Variants in BTAF1 observed in about 807,000 individuals in gnomAD.
The protein encoded by BTAF1 is B-TFIID TATA-box binding protein associated factor 1.
BTAF1 carries 38 observed loss-of-function variants against 227.1 expected under a neutral mutation model. The observed-to-expected ratio is 0.17, with a 90% CI of 0.13 to 0.22. The LOEUF is 0.22. Among genes scored for constraint, BTAF1 ranks in the 10% least tolerant of loss-of-function variants. The pLI is 1.00. For missense variants in BTAF1, 1,598 were observed against 2,204.0 expected (o/e 0.73, Z 5.51); for synonymous variants, 742 against 751.9 (o/e 0.99, Z 0.21).
rs942220717 is a variant in BTAF1, at chr10:91,989,493, C to T, written c.2767C>T (p.Leu923Phe). ...TCCCAATTCAAAAATTATTAAAAAC[C>T]TCTGTAGCTCACTTTGTGTGGACCC... ...PCPNSKIIKN[L>F]CSSLCVDPYL... is the part of the protein sequence containing the mutation. The change falls in exon 20 of 38, where the codon CTC becomes TTC. Residue 923 changes from leucine to phenylalanine, a missense_variant. Around this residue, in one of 10 missense-constraint regions of BTAF1, gnomAD observed 425 missense variants for 491.2 expected, o/e 0.87. Coordinates refer to ENST00000265990, the MANE Select transcript of BTAF1 (RefSeq NM_003972.3). 7 of 1,613,758 alleles carry T rather than the reference C, an allele frequency of 4.3e-6. No individual in the cohort carries two copies. In the African/African-American group the frequency reaches 8.0e-5, roughly 18 times the overall value.
intron 19 of BTAF1, among the ~76,000 whole-genome samples, chr10:91,986,132 G>T (rs1312877889): frequency 6.6e-6 from 1 of 151,936 alleles, no homozygotes; most frequent in Admixed American, 6.6e-5. Context: ...TAATGTTTGT[G>T]TATAGTATGA....
intron 11 of BTAF1, 36 bp downstream of exon 11, chr10:91,960,190 G>A (rs1846401462): frequency 6.3e-7 from 1 of 1,592,082 alleles, no homozygotes; most frequent in Non-Finnish European, 8.6e-7. Flanking sequence ...ATGTGGGAGA[G>A]TTTTTTCCCC....
chr10:92,001,817 A>G (rs1182901502), intron 25 of BTAF1, among the ~76,000 whole-genome samples: 1 of 152,120 alleles, frequency 6.6e-6, no homozygotes, highest in East Asian at 1.9e-4. Flanking sequence ...TAAGGACATT[A>G]AAATATACTC....
chr10:91,949,678 G>A (rs181360883), intron 4 of BTAF1, among the ~76,000 whole-genome samples: 2 of 152,218 alleles, frequency 1.3e-5, no homozygotes, highest in East Asian at 1.9e-4. Flanking sequence ...AGTCTGCTCT[G>A]GGCATGCATA....
chr10:91,982,345 A>G (rs1200493808), intron 17 of BTAF1, 120 bp downstream of exon 17: 4 of 1,366,132 alleles, frequency 2.9e-6, no homozygotes, highest in Non-Finnish European at 4.0e-6. Flanking sequence ...CATCACACTA[A>G]TTATAGCCTA....
intron 34 of BTAF1, 89 bp from the exon 35 acceptor site, chr10:92,024,667 T>C: frequency 8.7e-7 from 1 of 1,143,062 alleles, no homozygotes; most frequent in East Asian, 2.5e-5. Flanking sequence ...CATTTAACCT[T>C]TTCTTGCCAC....
intron 1 of BTAF1, among the ~76,000 whole-genome samples, chr10:91,930,320 A>C (rs952552572): frequency 1.3e-5 from 2 of 152,208 alleles, no homozygotes; most frequent in Non-Finnish European, 2.9e-5. Flanking sequence ...GAAATAGCAT[A>C]GCTTGGTTGT....
chr10:91,962,534 A>G lies in BTAF1; in HGVS notation c.1264-4A>G, dbSNP rs1846598849. On this transcript the variant is annotated splice_polypyrimidine_tract_variant and splice_region_variant and intron_variant, in intron 11 of 37. Transcript: ENST00000265990. ...TTAATTTATTTTCATGTACTGTTTT[A>G]CAGGATGTAATTAATACTTTATTGC... The G allele has an allele frequency of 6.6e-7, 1 of 1,519,866 alleles. No homozygotes were observed. 94.1% of individuals were successfully genotyped at this position (1,519,866 alleles called of 1,614,324 possible).
At position 91,997,726 on chromosome 10, in the gene BTAF1, C is replaced by T. The variant is rs377625453; in HGVS notation, c.3635C>T (p.Thr1212Met). Residue 1212 changes from threonine to methionine, a missense_variant, in exon 25 of 38, where the codon ACG (threonine) becomes ATG (methionine). Physicochemically the swap from Thr to Met is moderately conservative, Grantham distance 81 (BLOSUM62 -1). Transcript: ENST00000265990. The part of the protein sequence containing the change: ...VRFMATQCFA[T>M]LIRLMPLEAG... ...TTCATGGCCACGCAGTGCTTTGCAA[C>T]GCTAATTAGACTCATGCCACTTGAG... 185 of 1,613,662 alleles carry T rather than the reference C, an allele frequency of 1.1e-4. No homozygotes were observed. Among genetic ancestry groups the T allele is most frequent in the Non-Finnish European group, 1.4e-4 (171 of 1,180,006 alleles).
At chr10:92,008,763 A>C (rs1452251327) in intron 26 of BTAF1, 66 bp from the exon 27 acceptor site, 13 of 1,418,168 alleles carry the variant, frequency 9.2e-6, no homozygotes, top group Non-Finnish European at 1.2e-5. Flanking sequence ...TGTTTATAAG[A>C]AAATGTTTTT....
chr10:91,964,040 C>G, intron 12 of BTAF1, 37 bp from the exon 13 acceptor site: 3 of 1,608,306 alleles, frequency 1.9e-6, no homozygotes, highest in Non-Finnish European at 2.5e-6. Flanking sequence ...GTATTTTGTG[C>G]AAAATTGATA....
chr10:91,927,617 C>T (rs535751724), intron 1 of BTAF1, among the ~76,000 whole-genome samples: 36 of 151,722 alleles, frequency 2.4e-4, no homozygotes, highest in African/African-American at 8.7e-4. Context: ...GTGTTCAGTA[C>T]ATTTAAAAAA....
intron 4 of BTAF1, among the ~76,000 whole-genome samples, chr10:91,944,734 C>T (rs1845244731): frequency 6.6e-6 from 1 of 152,196 alleles, no homozygotes; most frequent in Non-Finnish European, 1.5e-5. Flanking sequence ...TCCTTCCCTC[C>T]TCTTCCCAGC....
chr10:91,982,117 G>A lies in BTAF1; in HGVS notation c.1940G>A (p.Ser647Asn), dbSNP rs1848108800. Residue 647 changes from serine (S) to asparagine (N), a missense_variant, in exon 17 of 38, where the codon AGC becomes AAC. Physicochemically the swap from Ser to Asn is conservative, Grantham distance 46 (BLOSUM62 1). This residue lies in a region of BTAF1 where 318 missense variants were observed against 435.0 expected (regional missense o/e 0.73). Transcript: ENST00000265990. Reference sequence around the variant, plus strand: ...GGTGGTAAGGTGCGCCAAGGCCAAAGCCAGAATAAAGAAGTACTTCAGGAG... The same window carrying A: ...GGTGGTAAGGTGCGCCAAGGCCAAAACCAGAATAAAGAAGTACTTCAGGAG... ...KTGGKVRQGQ[S>N]QNKEVLQEYI... 9.3e-6 allele frequency: 15 copies of A among 1,613,690 alleles called. No individual in the cohort carries two copies. The highest frequency in any genetic ancestry group is 1.2e-5 in the Non-Finnish European group (14 of 1,179,800).
At chr10:92,018,565 A>G (rs576134796) in intron 33 of BTAF1, among the ~76,000 whole-genome samples, 3 of 152,190 alleles carry the variant, frequency 2.0e-5, no homozygotes, top group South Asian at 4.1e-4. Flanking sequence ...TAAACAGTAC[A>G]ATTTATACGC....
intron 6 of BTAF1, among the ~76,000 whole-genome samples, chr10:91,955,375 C>A (rs984463226): frequency 4.0e-5 from 6 of 151,822 alleles, no homozygotes; most frequent in Non-Finnish European, 4.4e-5. Context: ...TTCCTGCCTT[C>A]GGAGGTTATA....
At position 91,923,852 on chromosome 10, in the gene BTAF1, G is replaced by T; in HGVS notation, c.-225G>T. ...AAGTCGTGCGGGTCGGAGGACTGCC[G>T]CCTCCGCTACCGTCTTGGACCCCTG... On this transcript the variant is annotated 5_prime_UTR_variant, in exon 1 of 38. Coordinates refer to ENST00000265990, the MANE Select transcript of BTAF1 (RefSeq NM_003972.3). 1 of 458,634 alleles carries T rather than the reference G, an allele frequency of 2.2e-6. No individual in the cohort carries two copies. The highest frequency in any genetic ancestry group is 3.8e-6 in the Non-Finnish European group (1 of 261,084). 28.4% of individuals were successfully genotyped at this position (458,634 alleles called of 1,614,324 possible). A position where few individuals can be genotyped will look rare whatever the true frequency, so the allele number is the denominator to read the frequency against.
intron 10 of BTAF1, 45 bp from the exon 11 acceptor site, chr10:91,959,933 A>G (rs749557436): frequency 1.2e-6 from 2 of 1,601,554 alleles, no homozygotes; most frequent in African/African-American, 1.3e-5. Flanking sequence ...ATTCTACAAA[A>G]TACGTTTTTT....
At chr10:91,994,500 A>G in intron 22 of BTAF1, 35 bp from the exon 23 acceptor site, 1 of 1,503,612 alleles carries the variant, frequency 6.7e-7, no homozygotes, top group South Asian at 1.2e-5. Context: ...TTGAAAAATT[A>G]TTTGCCAGAT....
Sources: allele counts gnomAD v4.1 joint callset (sites outside exome capture counted in the v4.1 genomes callset), GRCh38; gene constraint gnomAD v4.1.1; regional missense constraint gnomAD v4.1.1; transcripts MANE v1.5; gene names NCBI Gene and HGNC (gene_info 2026-07-23, HGNC 2026-07-21).